The following GPR89A variants were observed in gnomAD, a reference collection of about 807,000 sequenced individuals.
GPR89A encodes the protein golgi pH regulator A, also known as G protein-coupled receptor 89A.
In GPR89A, 16 loss-of-function variants were observed where a neutral mutation model predicts 52.0. The ratio of observed to expected loss-of-function variants is 0.31; its 90% confidence interval spans 0.21 to 0.47. The LOEUF (loss-of-function observed/expected upper bound fraction) is 0.47, where lower values mean the gene tolerates loss of function less well. Among genes scored for constraint, GPR89A ranks in the 20% least tolerant of loss-of-function variants. The pLI is 1.00. For missense variants in GPR89A, 135 were observed against 449.4 expected (o/e 0.30, Z 6.33); for synonymous variants, 55 against 150.9 (o/e 0.36, Z 4.66).
intron 10 of GPR89A, among the ~76,000 whole-genome samples, chr1:145,661,103 A>G (rs1273436656): frequency 6.7e-6 from 1 of 149,546 alleles, no homozygotes; most frequent in African/African-American, 2.4e-5. Flanking sequence ...TGGCACATAT[A>G]CACCATGGAA....
At chr1:145,629,504 A>G (rs1553689520) in intron 5 of GPR89A, among the ~76,000 whole-genome samples, 1 of 152,202 alleles carries the variant, frequency 6.6e-6, no homozygotes, top group East Asian at 1.9e-4. Flanking sequence ...CAAGGGCAAG[A>G]TAAGGATTAG....
At chr1:145,622,939 A>G (rs1241204442) in intron 3 of GPR89A, 115 bp from the exon 4 acceptor site, 63 of 1,519,844 alleles carry the variant, frequency 4.1e-5, no homozygotes, top group Admixed American at 6.0e-5. Context: ...GGCTGATTAG[A>G]TAGGATATAT....
At chr1:145,654,428 CT>C (rs1488006262) in intron 10 of GPR89A, among the ~76,000 whole-genome samples, 5 of 151,586 alleles carry the variant, frequency 3.3e-5, no homozygotes, top group African/African-American at 9.7e-5. Context: ...TGGCAGGCGC[CT>C]GTAGTCCTAG....
intron 10 of GPR89A, among the ~76,000 whole-genome samples, chr1:145,657,886 A>G (rs1651916133): frequency 6.6e-6 from 1 of 150,782 alleles, no homozygotes; most frequent in Non-Finnish European, 1.5e-5. Flanking sequence ...ACAATACAAT[A>G]TACTCATTTA....
chr1:145,615,882 A>G (rs1553686881), intron 1 of GPR89A, among the ~76,000 whole-genome samples: 1 of 152,028 alleles, frequency 6.6e-6, no homozygotes, highest in Admixed American at 6.5e-5. Context: ...GTCCTCCCAA[A>G]GTGCTGGGAT....
chr1:145,655,767 G>A (rs1553694417), intron 10 of GPR89A, among the ~76,000 whole-genome samples: 4 of 152,164 alleles, frequency 2.6e-5, no homozygotes, highest in African/African-American at 7.2e-5. Context: ...CAGGAGGCAC[G>A]GGATCAGGGA....
At position 145,623,153 on chromosome 1, in the gene GPR89A, C is replaced by T. The variant is rs782567174; in HGVS notation, c.306C>T (p.Ile102=). 19 of 1,612,984 alleles carry T rather than the reference C, an allele frequency of 1.2e-5. No individual in the cohort carries two copies. The Admixed American group carries it at 1.7e-4, about 14-fold the overall frequency. The change falls in exon 4 of 14, where the codon ATC becomes ATT. Residue 102 remains isoleucine, a synonymous_variant. Transcript: ENST00000313835. The part of the protein sequence containing the change: ...FYIGYFIVSN[I]RLLHKQRLLF... ...TTGGCTATTTTATTGTGAGCAATAT[C>T]CGACTACGTAAGTATTTTACCCTCT...
At chr1:145,613,645 C>G (rs1332398091) in intron 1 of GPR89A, among the ~76,000 whole-genome samples, 1 of 150,850 alleles carries the variant, frequency 6.6e-6, no homozygotes, top group Non-Finnish European at 1.5e-5. Flanking sequence ...TGAATTTCAT[C>G]TTCTAGCAGC....
chr1:145,625,294 C>A (rs1205906582), intron 5 of GPR89A, among the ~76,000 whole-genome samples: 1 of 144,576 alleles, frequency 6.9e-6, no homozygotes, highest in African/African-American at 2.6e-5. Flanking sequence ...CTGGCTGCTG[C>A]TCTCTATACA....
At chr1:145,619,610 TGAGA>T (rs1158501188) in intron 3 of GPR89A, among the ~76,000 whole-genome samples, 11 of 150,532 alleles carry the variant, frequency 7.3e-5, no homozygotes, top group Admixed American at 2.0e-4. Flanking sequence ...AAAAAAAGAG[TGAGA>T]GAGAGAGAAT....
chr1:145,662,538 A>G (rs1170814533), intron 10 of GPR89A, among the ~76,000 whole-genome samples: 15 of 152,058 alleles, frequency 9.9e-5, no homozygotes, highest in Non-Finnish European at 1.6e-4. Flanking sequence ...TTTTTATCCA[A>G]TCTAACAACC....
At chr1:145,610,594 G>C (rs587599745) in intron 1 of GPR89A, among the ~76,000 whole-genome samples, 21 of 152,126 alleles carry the variant, frequency 1.4e-4, no homozygotes, top group Middle Eastern at 3.4e-3. Context: ...TATACCTACT[G>C]CCATAGTACC....
chr1:145,659,462 G>C (rs1262022799), intron 10 of GPR89A, among the ~76,000 whole-genome samples: 1 of 151,968 alleles, frequency 6.6e-6, no homozygotes, highest in Non-Finnish European at 1.5e-5. Context: ...TAGGATTACA[G>C]GCATGAGCCA....
At chr1:145,645,642 C>T (rs1650932484) in intron 8 of GPR89A, 3 of 453,770 alleles carry the variant, frequency 6.6e-6, no homozygotes, top group South Asian at 4.7e-5. Flanking sequence ...ATTTAACTCT[C>T]TGAGCTTCAC....
chr1:145,662,276 T>G (rs1652254545), intron 10 of GPR89A, among the ~76,000 whole-genome samples: 1 of 152,192 alleles, frequency 6.6e-6, no homozygotes, highest in Admixed American at 6.5e-5. Context: ...TGTCATTAGG[T>G]GTATAAACAT....
chr1:145,614,339 C>T (rs587756829), intron 1 of GPR89A, among the ~76,000 whole-genome samples: 1 of 151,972 alleles, frequency 6.6e-6, no homozygotes, highest in Non-Finnish European at 1.5e-5. Context: ...GTATGTATTT[C>T]TATCATTGCA....
In GPR89A at chr1:145,623,078, G is replaced by T. The variant is rs1559027668; in HGVS notation, c.231G>T (p.Met77Ile). 2.5e-6 allele frequency: 4 copies of T among 1,611,692 alleles called. No individual in the cohort carries two copies. Among genetic ancestry groups the T allele is most frequent in the East Asian group, 4.5e-5 (2 of 44,748 alleles). ...GCTCCCGTTATTTTCACTGGAAAAT[G>T]AACCTGTGTGTAATTCTGCTGATCC... ...NSSSRYFHWK[M>I]NLCVILLILV... Residue 77 changes from methionine (M) to isoleucine (I), a missense_variant, in exon 4 of 14, where the codon ATG becomes ATT. Met to Ile is a conservative substitution (Grantham distance 10). This residue lies in a region of GPR89A where 15 missense variants were observed against 41.0 expected (regional missense o/e 0.37). Transcript: ENST00000313835.
At chr1:145,612,360 C>T (rs587737245) in intron 1 of GPR89A, 3 of 152,202 alleles carry the variant, frequency 2.0e-5, no homozygotes, top group East Asian at 1.9e-4. Flanking sequence ...TCCCCTACTC[C>T]GGTTTAAAGC....
At chr1:145,642,030 A>G (rs1650687979) in intron 7 of GPR89A, among the ~76,000 whole-genome samples, 1 of 150,888 alleles carries the variant, frequency 6.6e-6, no homozygotes, top group Middle Eastern at 3.4e-3. Context: ...AAACAAGGCC[A>G]TGCTTGTCTA....
Sources: allele counts gnomAD v4.1 joint callset (sites outside exome capture counted in the v4.1 genomes callset), GRCh38; gene constraint gnomAD v4.1.1; regional missense constraint gnomAD v4.1.1; transcripts MANE v1.5; gene names NCBI Gene and HGNC (gene_info 2026-07-23, HGNC 2026-07-21).